The following SP140 variants were observed in gnomAD, a reference collection of about 807,000 sequenced individuals.
SP140 encodes the protein SP140 nuclear body protein.
SP140 carries 81 observed loss-of-function variants against 125.0 expected under a neutral mutation model. The observed-to-expected ratio is 0.65, with a 90% CI of 0.54 to 0.78. The LOEUF (loss-of-function observed/expected upper bound fraction) is 0.78. Among genes scored for constraint, SP140 ranks in the 30% least tolerant of loss-of-function variants. The pLI is 0.00. For synonymous variants in SP140, 312 were observed against 354.0 expected (o/e 0.88, Z 1.33); for missense variants, 858 against 1,037.0 (o/e 0.83, Z 2.37).
downstream of SP140, among the ~76,000 whole-genome samples, chr2:230,315,778 C>G (rs922106595): frequency 2.6e-5 from 4 of 152,152 alleles, no homozygotes; most frequent in Admixed American, 2.0e-4. Flanking sequence ...GTTGTTACCC[C>G]AGTTACACCT....
intron 22 of SP140, among the ~76,000 whole-genome samples, chr2:230,300,269 G>A (rs1426810940): frequency 6.6e-6 from 1 of 152,176 alleles, no homozygotes; most frequent in Non-Finnish European, 1.5e-5. Context: ...TAATTATACT[G>A]CCTGTAACAT....
At chr2:230,248,847 C>A in intron 8 of SP140, 38 bp from the exon 9 acceptor site, 1 of 1,538,034 alleles carries the variant, frequency 6.5e-7, no homozygotes, top group South Asian at 1.1e-5. Context: ...GTGTCCAAGT[C>A]ACCCTCTGTG....
chr2:230,286,745 T>C (rs529419278), intron 17 of SP140, among the ~76,000 whole-genome samples: 18 of 152,322 alleles, frequency 1.2e-4, no homozygotes, highest in African/African-American at 4.1e-4. Flanking sequence ...TGCATTGTCC[T>C]AGGATGCGGG....
chr2:230,257,016 A>G (rs2051328914), intron 12 of SP140, among the ~76,000 whole-genome samples: 1 of 152,164 alleles, frequency 6.6e-6, no homozygotes, highest in East Asian at 1.9e-4. Context: ...CGGGTGTTTG[A>G]TAAGACCCAA....
intron 4 of SP140, 30 bp downstream of exon 4, chr2:230,241,517 T>C (rs375390412): frequency 2.6e-5 from 35 of 1,345,526 alleles, no homozygotes; most frequent in Non-Finnish European, 3.4e-5. Context: ...TCAATGCCCT[T>C]ATTAAAGTTT....
the SP140 span, among the ~76,000 whole-genome samples, chr2:230,197,041 C>A: frequency 2.6e-5 from 4 of 152,148 alleles, no homozygotes; most frequent in Admixed American, 6.5e-5. Flanking sequence ...GATTTATAAT[C>A]CTTTGGGTAT....
At chr2:230,221,549 G>A (rs1046631654), upstream of SP140, among the ~76,000 whole-genome samples, 1 of 152,218 alleles carries the variant, frequency 6.6e-6, no homozygotes, top group Non-Finnish European at 1.5e-5. Flanking sequence ...GTGAAACAGA[G>A]GCATGGAAGC....
At position 230,213,561 on chromosome 2, in the gene SP140, A is replaced by G. The variant is rs546336916; in HGVS notation, c.-322-93A>G. The G allele has an allele frequency of 4.2e-4, 68 of 161,662 alleles. 1 individual carries two copies. The highest frequency in any genetic ancestry group is 7.8e-4 in the Non-Finnish European group (57 of 72,912). 10.0% of individuals were successfully genotyped at this position (161,662 alleles called of 1,614,324 possible). ...TCACACCCAGCTTTCTCTCCCATCC[A>G]CAATACCCCAGACCCTTGGCTTTCT... On this transcript the variant is annotated intron_variant, in intron 1 of 4. Transcript: ENST00000456542.
At chr2:230,300,020 C>T (rs1214694416) in intron 22 of SP140, among the ~76,000 whole-genome samples, 1 of 152,154 alleles carries the variant, frequency 6.6e-6, no homozygotes, top group African/African-American at 2.4e-5. Context: ...TCTTTCTCTA[C>T]CTGCCCCTGT....
intron 22 of SP140, among the ~76,000 whole-genome samples, chr2:230,304,947 G>T (rs897313035): frequency 2.0e-5 from 3 of 152,136 alleles, no homozygotes; most frequent in African/African-American, 7.2e-5. Context: ...TACAGCAAAA[G>T]AAATAACAGA....
In SP140 at chr2:230,247,853, C is replaced by T. The variant is rs1447632622; in HGVS notation, c.743-63C>T. 6 of 1,538,212 alleles carry T rather than the reference C, an allele frequency of 3.9e-6. No individual in the cohort carries two copies. In the East Asian group the frequency reaches 1.1e-4, roughly 29 times the overall value. ...TTCACTACAATCTCCATCATGCTCA[C>T]TAATCTAGTGAAATTATATGGAAAT... On this transcript the variant is annotated intron_variant, in intron 7 of 26. Transcript: ENST00000392045.
intron 3 of SP140, among the ~76,000 whole-genome samples, chr2:230,218,492 TGCAAAG>T (rs1218951162): frequency 1.3e-5 from 2 of 152,180 alleles, no homozygotes; most frequent in African/African-American, 4.8e-5. Context: ...AAGGAGATAG[TGCAAAG>T]ATCAGTGCAA....
intron 18 of SP140, among the ~76,000 whole-genome samples, chr2:230,288,719 G>T (rs2056781361): frequency 6.6e-6 from 1 of 152,022 alleles, no homozygotes; most frequent in Non-Finnish European, 1.5e-5. Flanking sequence ...AGCATGTGAT[G>T]TTTGGTTTTC....
At position 230,290,312 on chromosome 2, in the gene SP140, G is replaced by A. The variant is rs111414648; in HGVS notation, c.1721-148G>A. 212 of 689,576 alleles carry A rather than the reference G, an allele frequency of 3.1e-4. 1 individual carries two copies. The African/African-American group carries it at 3.2e-3, about 10-fold the overall frequency. The allele number at this position is 689,576 out of a possible 1,614,324, so 42.7% of individuals were successfully genotyped here. Reference sequence around the variant, plus strand: ...CATTCTGTAATTATGTATCAAAAATGCCACTTGGAAGAAAGACTTTGAAAC... The same window carrying A: ...CATTCTGTAATTATGTATCAAAAATACCACTTGGAAGAAAGACTTTGAAAC... On this transcript the variant is annotated intron_variant, in intron 18 of 26. Coordinates refer to ENST00000392045, the MANE Select transcript of SP140 (RefSeq NM_007237.5).
intron 12 of SP140, among the ~76,000 whole-genome samples, chr2:230,265,448 A>G (rs2052945274): frequency 6.6e-6 from 1 of 152,076 alleles, no homozygotes; most frequent in Non-Finnish European, 1.5e-5. Flanking sequence ...TTGCGCCCTC[A>G]CAAGAGTTCT....
chr2:230,202,570 C>G, upstream of SP140: 1 of 1,613,806 alleles, frequency 6.2e-7, no homozygotes, highest in South Asian at 1.1e-5. Flanking sequence ...ATTCCATCAT[C>G]AGCCTTACCC....
intron 12 of SP140, among the ~76,000 whole-genome samples, chr2:230,260,197 T>C (rs932203730): frequency 1.1e-4 from 16 of 152,202 alleles, no homozygotes; most frequent in African/African-American, 3.9e-4. Flanking sequence ...ATTGGTGATG[T>C]TGAGCAATTT....
rs141451533 is a variant in SP140 at position 230,249,062 on chromosome 2, C to T, written c.976+94C>T. On this transcript the variant is annotated intron_variant, in intron 9 of 26. Coordinates refer to ENST00000392045, the MANE Select transcript of SP140 (RefSeq NM_007237.5). ...TTCCCTTTCTCCCATCCTACCCTTC[C>T]CTTCTTCACATTCGCATACATACAG... 3.1e-4 allele frequency: 281 copies of T among 897,066 alleles called. 1 individual carries two copies. In the East Asian group the frequency reaches 5.9e-3, roughly 19 times the overall value. 55.6% of individuals were successfully genotyped at this position (897,066 alleles called of 1,614,324 possible).
intron 17 of SP140, among the ~76,000 whole-genome samples, chr2:230,286,896 T>C (rs2056454406): frequency 6.6e-6 from 1 of 152,190 alleles, no homozygotes; most frequent in African/African-American, 2.4e-5. Flanking sequence ...TTAGAACTTA[T>C]AGTACTTAGG....
Sources: gnomAD v4.1 joint callset for allele counts (sites outside exome capture counted in the v4.1 genomes callset) on GRCh38, gnomAD v4.1.1 for gene constraint, MANE v1.5 for transcripts, NCBI Gene and HGNC (gene_info 2026-07-23, HGNC 2026-07-21) for gene names.